TKTL1: variants seen among roughly 807,000 people sequenced by gnomAD.
The protein encoded by TKTL1 is transketolase like 1.
Under a neutral mutation model 39.3 loss-of-function variants are expected in TKTL1, and 1 was observed. The ratio of observed to expected loss-of-function variants is 0.03; its 90% confidence interval spans 0.01 to 0.12. The LOEUF is 0.12. TKTL1 is among the 10% of genes least tolerant of loss of function. The pLI is 1.00. For synonymous variants in TKTL1, 262 were observed against 193.8 expected, an observed-to-expected ratio of 1.35 and a Z score of -2.92; for missense variants, 575 against 509.6, an observed-to-expected ratio of 1.13 and a Z score of -1.24.
rs782239155 is a variant in TKTL1 at position 154,304,999 on chromosome X, G to T, written c.135-305G>T. On this transcript the variant is annotated intron_variant, in intron 1 of 12. Coordinates refer to ENST00000369915, the MANE Select transcript of TKTL1 (RefSeq NM_012253.4). ...GCTCCTGAAAGTTCCTCGGCATGTG[G>T]AAAGGCCACAGATGAATTTAAGCAT... 1.1e-5 allele frequency: 11 copies of T among 1,039,603 alleles called. No individual in the cohort carries two copies. The African/African-American group carries it at 1.7e-4, about 16-fold the overall frequency. 85.7% of individuals were successfully genotyped at this position (1,039,603 alleles called of 1,213,427 possible).
At chrX:154,314,671 C>A (rs1173750699) in intron 6 of TKTL1, among the ~76,000 whole-genome samples, 2 of 110,753 alleles carry the variant, frequency 1.8e-5, no homozygotes, top group Non-Finnish European at 3.8e-5. Context: ...ATTACAGGCT[C>A]CCGCCATCAT....
intron 5 of TKTL1, 120 bp from the exon 6 acceptor site, chrX:154,312,460 G>A: frequency 1.4e-6 from 1 of 696,617 alleles, no homozygotes; most frequent in African/African-American, 2.2e-5. Context: ...CTCTGTGCCA[G>A]GTGTTCCTCC....
At chrX:154,326,534 A>G (rs1212385901) in intron 10 of TKTL1, among the ~76,000 whole-genome samples, 1 of 112,399 alleles carries the variant, frequency 8.9e-6, no homozygotes, top group African/African-American at 3.2e-5. Context: ...CACAGTTGCA[A>G]GTACTCAGAA....
chrX:154,321,371 A>T (rs893706262), intron 8 of TKTL1, among the ~76,000 whole-genome samples: 2 of 108,743 alleles, frequency 1.8e-5, no homozygotes, highest in Admixed American at 2.0e-4. Context: ...GGAGCGTGAC[A>T]CGAGGCAGGA....
intron 6 of TKTL1, among the ~76,000 whole-genome samples, chrX:154,313,458 T>C (rs1380600872): frequency 8.9e-6 from 1 of 112,298 alleles, no homozygotes. Flanking sequence ...AAGTTCTTTA[T>C]GGCCTAGAGG....
chrX:154,321,801 A>G (rs2067453337), intron 8 of TKTL1, among the ~76,000 whole-genome samples: 1 of 107,386 alleles, frequency 9.3e-6, no homozygotes, highest in Admixed American at 1.0e-4. Context: ...ATGAGGCTGG[A>G]CGAGATGGCT....
chrX:154,295,877 G>C lies in TKTL1; in HGVS notation c.18G>C (p.Ala6=), dbSNP rs149633403. 6.6e-6 allele frequency: 8 copies of C among 1,211,873 alleles called. No homozygotes were observed. Among genetic ancestry groups the C allele is most frequent in the Non-Finnish European group, 8.9e-6 (8 of 895,462 alleles). ...TTGGACTAATGGCGGATGCTGAGGC[G>C]AGGGCTGAGTTCCCGGAGGAGGCCA... The part of the protein sequence containing the change: MADAE[A]RAEFPEEARP... The change falls in exon 1 of 13, where the codon GCG becomes GCC. Residue 6 remains alanine, a synonymous_variant. Transcript: ENST00000369915.
chrX:154,297,391 G>A (rs1215930635), intron 1 of TKTL1, among the ~76,000 whole-genome samples: 1 of 110,583 alleles, frequency 9.0e-6, no homozygotes, highest in Non-Finnish European at 1.9e-5. Flanking sequence ...GAGTAGCTGG[G>A]ACTGCAGGCG....
At position 154,329,613 on chromosome X, in the gene TKTL1, C is replaced by T. The variant is rs782421112; in HGVS notation, c.1716C>T (p.Ser572=). ...CGGGAGTGCCCCAGAGTGGGAAGTC[C>T]GAGGAATTGCTGGATATGTATGGAA... ...AVSGVPQSGK[S]EELLDMYGIS... is the part of the protein sequence containing the mutation. The change falls in exon 13 of 13, where the codon TCC becomes TCT. Residue 572 remains serine, a synonymous_variant. Transcript: ENST00000369915. 19 of 1,210,015 alleles carry T rather than the reference C, an allele frequency of 1.6e-5. No homozygotes were observed. The highest frequency in any genetic ancestry group is 2.2e-5 in the Admixed American group (1 of 45,771).
At position 154,295,803 on chromosome X, in the gene TKTL1, C is replaced by T. The variant is rs1425598681; in HGVS notation, c.-57C>T. The T allele has an allele frequency of 1.7e-6, 2 of 1,184,341 alleles. No homozygotes were observed. Among genetic ancestry groups the T allele is most frequent in the Non-Finnish European group, 2.3e-6 (2 of 879,063 alleles). ...CTGGGCAGCTCGCAGGCGCCATTCG[C>T]TCTTCAGACGCCGGAGACGTAGGAG... On this transcript the variant is annotated 5_prime_UTR_variant, in exon 1 of 13. Transcript: ENST00000369915.
chrX:154,302,318 A>G (rs2067280165), intron 1 of TKTL1, among the ~76,000 whole-genome samples: 1 of 111,420 alleles, frequency 9.0e-6, no homozygotes, highest in Admixed American at 9.6e-5. Context: ...GAATAGGGGC[A>G]CCCAAATCAG....
intron 10 of TKTL1, chrX:154,327,162 T>C (rs1557172133): frequency 5.1e-5 from 13 of 255,557 alleles, no homozygotes; most frequent in Non-Finnish European, 7.4e-5. Context: ...CACTTCCTCC[T>C]GCTCTGAGAT....
At chrX:154,310,360 G>A (rs1162604114) in intron 3 of TKTL1, among the ~76,000 whole-genome samples, 4 of 111,794 alleles carry the variant, frequency 3.6e-5, no homozygotes, top group African/African-American at 1.3e-4. Flanking sequence ...GCTTGAACCC[G>A]GGAGGTGGAG....
chrX:154,312,771 A>G lies in TKTL1; in HGVS notation c.862A>G (p.Lys288Glu), dbSNP rs782494853. ...TCCACCTGATTACAGAGTTGGTGAC[A>G]AGGTAGGCAGAAAGGTGGATAATTG... ...TSPPDYRVGD[K>E]IATRKACGLA... Residue 288 changes from lysine to glutamate, a missense_variant and splice_region_variant, in exon 6 of 13, where the codon AAG (lysine) becomes GAG (glutamate). Physicochemically the swap from Lys to Glu is moderately conservative, Grantham distance 56 (BLOSUM62 1). Transcript: ENST00000369915. The G allele has an allele frequency of 1.3e-5, 15 of 1,197,573 alleles. No homozygotes were observed. Among genetic ancestry groups the G allele is most frequent in the East Asian group, 8.9e-5 (3 of 33,643 alleles).
At chrX:154,304,991 G>A (rs782155660) in intron 1 of TKTL1, 13 of 1,024,140 alleles carry the variant, frequency 1.3e-5, no homozygotes, top group Admixed American at 2.9e-5. Context: ...AAAGTTCCTC[G>A]GCATGTGGAA....
At chrX:154,311,877 C>T (rs1389498486) in intron 5 of TKTL1, among the ~76,000 whole-genome samples, 1 of 111,019 alleles carries the variant, frequency 9.0e-6, no homozygotes, top group African/African-American at 3.3e-5. Context: ...TTGTCCTTGC[C>T]TCTGCCTCCC....
At chrX:154,319,818 G>A (rs1249236101) in intron 7 of TKTL1, among the ~76,000 whole-genome samples, 2 of 111,114 alleles carry the variant, frequency 1.8e-5, no homozygotes, top group Admixed American at 9.5e-5. Context: ...TCTGGAGTTT[G>A]GGATCTTGAG....
At chrX:154,298,313 C>G in intron 1 of TKTL1, among the ~76,000 whole-genome samples, 1 of 110,957 alleles carries the variant, frequency 9.0e-6, no homozygotes. Flanking sequence ...CTCGTGGGCT[C>G]AAGCGACTCT....
chrX:154,309,167 G>A (rs1290250470), intron 2 of TKTL1, among the ~76,000 whole-genome samples, 178 bp from the exon 3 acceptor site: 2 of 110,805 alleles, frequency 1.8e-5, no homozygotes, highest in African/African-American at 6.6e-5. Flanking sequence ...AACGTTGATC[G>A]GAAGCTTGGG....
Sources: gnomAD v4.1 joint callset for allele counts (sites outside exome capture counted in the v4.1 genomes callset) on GRCh38, gnomAD v4.1.1 for gene constraint, MANE v1.5 for transcripts, NCBI Gene and HGNC (gene_info 2026-07-23, HGNC 2026-07-21) for gene names.